MROH9: variants seen among roughly 807,000 people sequenced by gnomAD.
The protein encoded by MROH9 is maestro heat like repeat family member 9.
Under a neutral mutation model 98.2 loss-of-function variants are expected in MROH9, and 92 were observed. The ratio of observed to expected loss-of-function variants is 0.94; its 90% CI spans 0.79 to 1.11. The LOEUF (loss-of-function observed/expected upper bound fraction) is 1.11. MROH9 is among the 50% of genes most tolerant of loss of function. MROH9 has a pLI of 0.00. For missense variants in MROH9, 1,057 were observed against 1,014.8 expected (o/e 1.04, Z -0.57); for synonymous variants, 397 against 368.9 (o/e 1.08, Z -0.87).
rs1446662897 is a variant in MROH9, at chr1:170,971,837, A to G, written c.570A>G (p.Ala190=). ...SHEDPSIVKQ[A]SLGMCHLLYI... ...AAGATCCCTCGATTGTAAAACAAGC[A>G]TCATTGGGAATGTGTCACCTCCTCT... is the stretch of plus-strand genomic sequence containing the variant. Residue 190 remains alanine (A), a synonymous_variant, in exon 8 of 22, where the codon GCA becomes GCG. Coordinates refer to ENST00000367759, the MANE Select transcript of MROH9 (RefSeq NM_001163629.2). 1 of 1,614,118 alleles carries G rather than the reference A, an allele frequency of 6.2e-7. No individual in the cohort carries two copies. Among genetic ancestry groups the G allele is most frequent in the South Asian group, 1.1e-5 (1 of 91,080 alleles).
chr1:171,014,174 A>T lies in MROH9; in HGVS notation c.1654A>T (p.Asn552Tyr), dbSNP rs1652252575. 1 of 1,550,886 alleles carries T rather than the reference A, an allele frequency of 6.4e-7. No homozygotes were observed. The highest frequency in any genetic ancestry group is 1.4e-5 in the African/African-American group (1 of 73,016). ...LPEEFLVLFINWINDSNPVVS... is the reference protein window; with the variant it reads ...LPEEFLVLFIYWINDSNPVVS... ...AGAAGAATTTTTGGTCCTCTTCATA[A>T]ACTGGATCAATGATTCCAATCCTGT... Residue 552 changes from asparagine (N) to tyrosine (Y), a missense_variant, in exon 16 of 22, where the codon AAC becomes TAC. By Grantham distance (143) the Asn-to-Tyr change is moderately radical. Coordinates refer to ENST00000367759, the MANE Select transcript of MROH9 (RefSeq NM_001163629.2).
intron 20 of MROH9, among the ~76,000 whole-genome samples, chr1:171,040,617 C>T (rs1430322745): frequency 6.6e-6 from 1 of 152,184 alleles, no homozygotes; most frequent in East Asian, 1.9e-4. Context: ...AGAATGGACA[C>T]CCTCTAGCCA....
At chr1:170,952,604 G>A (rs1235750305) in intron 3 of MROH9, among the ~76,000 whole-genome samples, 1 of 135,284 alleles carries the variant, frequency 7.4e-6, no homozygotes, top group Non-Finnish European at 1.6e-5. Context: ...CTGTTGTGGA[G>A]TTGGGGGAGG....
intron 15 of MROH9, among the ~76,000 whole-genome samples, chr1:170,999,457 C>T (rs946768062): frequency 6.6e-6 from 1 of 152,080 alleles, no homozygotes; most frequent in Non-Finnish European, 1.5e-5. Flanking sequence ...GAATAATAGT[C>T]TCCAATCTCA....
intron 20 of MROH9, among the ~76,000 whole-genome samples, chr1:171,029,062 T>C (rs1410266921): frequency 6.6e-6 from 1 of 152,218 alleles, no homozygotes; most frequent in Non-Finnish European, 1.5e-5. Context: ...ATATGAGTAG[T>C]GTGAGAAGCC....
At chr1:171,012,677 T>C (rs2101830481) in intron 15 of MROH9, among the ~76,000 whole-genome samples, 1 of 152,062 alleles carries the variant, frequency 6.6e-6, no homozygotes, top group South Asian at 2.1e-4. Flanking sequence ...TAATTTTTTG[T>C]ATTTTTTAGT....
At chr1:171,032,915 C>T (rs1389443777) in intron 20 of MROH9, among the ~76,000 whole-genome samples, 1 of 152,234 alleles carries the variant, frequency 6.6e-6, no homozygotes, top group Non-Finnish European at 1.5e-5. Flanking sequence ...TGTGGCCTCC[C>T]TCTCCTTAGG....
intron 5 of MROH9, 57 bp downstream of exon 5, chr1:170,959,654 T>C: frequency 6.6e-7 from 1 of 1,516,214 alleles, no homozygotes; most frequent in Non-Finnish European, 9.0e-7. Flanking sequence ...ACAGCAATCC[T>C]GCAGAATGTG....
At chr1:170,947,186 A>G (rs1296083574) in intron 2 of MROH9, among the ~76,000 whole-genome samples, 2 of 151,984 alleles carry the variant, frequency 1.3e-5, no homozygotes, top group Non-Finnish European at 2.9e-5. Flanking sequence ...TAAATTTGGA[A>G]CTCAAAAATT....
intron 5 of MROH9, among the ~76,000 whole-genome samples, chr1:170,960,045 T>C (rs1023685061): frequency 1.3e-5 from 2 of 152,194 alleles, no homozygotes; most frequent in African/African-American, 4.8e-5. Flanking sequence ...TAGCCACCTC[T>C]CTCCTTTCTT....
At chr1:171,006,518 C>A (rs1175545844) in intron 15 of MROH9, among the ~76,000 whole-genome samples, 2 of 152,088 alleles carry the variant, frequency 1.3e-5, no homozygotes, top group African/African-American at 4.8e-5. Context: ...TCTCCTCCCC[C>A]AACTTCTGGA....
chr1:171,041,771 T>A (rs1191053783), intron 20 of MROH9, among the ~76,000 whole-genome samples: 1 of 152,032 alleles, frequency 6.6e-6, no homozygotes, highest in Non-Finnish European at 1.5e-5. Flanking sequence ...TTCTGACTAG[T>A]GCAAGATGGT....
intron 12 of MROH9, among the ~76,000 whole-genome samples, chr1:170,993,458 TAGG>T (rs1651439505): frequency 6.6e-6 from 1 of 152,192 alleles, no homozygotes; most frequent in African/African-American, 2.4e-5. Flanking sequence ...GTGTGTACAG[TAGG>T]AGAAGACACT....
chr1:170,940,504 C>G (rs1649082528), intron 1 of MROH9, among the ~76,000 whole-genome samples: 1 of 152,138 alleles, frequency 6.6e-6, no homozygotes, highest in Non-Finnish European at 1.5e-5. Context: ...GCTGGCCTTT[C>G]CAGCTGAACA....
At chr1:171,047,370 C>G (rs1454158623) in intron 20 of MROH9, among the ~76,000 whole-genome samples, 1 of 151,524 alleles carries the variant, frequency 6.6e-6, no homozygotes, top group Non-Finnish European at 1.5e-5. Flanking sequence ...TTCTTTTTGT[C>G]AGCTCTATTT....
intron 8 of MROH9, among the ~76,000 whole-genome samples, chr1:170,972,878 C>T (rs1482367712): frequency 6.9e-6 from 1 of 144,872 alleles, no homozygotes; most frequent in Admixed American, 6.9e-5. Flanking sequence ...CAATTCATTG[C>T]ACATTAAATA....
chr1:170,959,330 G>T, intron 4 of MROH9, 132 bp from the exon 5 acceptor site: 1 of 720,210 alleles, frequency 1.4e-6, no homozygotes, highest in South Asian at 2.6e-5. Flanking sequence ...AGCCGAGATG[G>T]CACCACTGCA....
intron 3 of MROH9, among the ~76,000 whole-genome samples, chr1:170,953,984 TA>T (rs201757828): frequency 1.7e-4 from 26 of 151,438 alleles, no homozygotes; most frequent in East Asian, 5.8e-4. Flanking sequence ...CATTTTCTCT[TA>T]AAAAAAAATT....
intron 20 of MROH9, among the ~76,000 whole-genome samples, chr1:171,046,217 A>C (rs916241777): frequency 4.6e-5 from 7 of 152,134 alleles, no homozygotes; most frequent in Non-Finnish European, 1.0e-4. Flanking sequence ...TGTAGACTGA[A>C]CAGATCAATT....
Sources: gnomAD v4.1 joint callset for allele counts (sites outside exome capture counted in the v4.1 genomes callset) on GRCh38, gnomAD v4.1.1 for gene constraint, MANE v1.5 for transcripts, NCBI Gene and HGNC (gene_info 2026-07-23, HGNC 2026-07-21) for gene names.